The following NEURL1B variants were observed in gnomAD, a reference collection of about 807,000 sequenced individuals.
NEURL1B encodes the protein neuralized E3 ubiquitin protein ligase 1B, also known as E3 ubiquitin-protein ligase NEURL1B.
NEURL1B carries 13 observed loss-of-function variants against 37.4 expected under a neutral mutation model. The observed-to-expected ratio is 0.35, with a 90% CI of 0.23 to 0.55. The LOEUF (loss-of-function observed/expected upper bound fraction) is 0.55, where lower values mean the gene tolerates loss of function less well. Ranked by LOEUF, NEURL1B falls within the 20% of genes least tolerant of loss-of-function variation. NEURL1B has a pLI of 0.89. For synonymous variants in NEURL1B, 432 were observed against 426.6 expected (o/e 1.01, Z -0.16); for missense variants, 790 against 879.2 (o/e 0.90, Z 1.28).
chr5:172,683,504 G>C lies in NEURL1B; in HGVS notation c.663G>C (p.Ala221=). 1.3e-6 allele frequency: 2 copies of C among 1,503,190 alleles called. No homozygotes were observed. 93.1% of individuals were successfully genotyped at this position (1,503,190 alleles called of 1,614,324 possible). The change falls in exon 3 of 5, where the codon GCG becomes GCC. Residue 221 remains alanine (A), a synonymous_variant. Coordinates refer to ENST00000369800, the MANE Select transcript of NEURL1B (RefSeq NM_001142651.3). This position sits in a 1 kb window ranked among gnomAD's most constrained non-coding sequence, Gnocchi z 5.6. The stretch of plus-strand genomic sequence containing the variant: ...GCCTGCCGCCCAGCAGCCACGACGC[G>C]GCCAACTTCGACAACAACGAGCTCG... ...SACLPPSSHD[A]ANFDNNELEN...
At chr5:172,672,417 G>A (rs973877454) in intron 2 of NEURL1B, among the ~76,000 whole-genome samples, 1 of 152,062 alleles carries the variant, frequency 6.6e-6, no homozygotes, top group Non-Finnish European at 1.5e-5. Context: ...ATGTCTTTGA[G>A]TAACAGCCAA....
chr5:172,658,757 T>C (rs1031115542), intron 1 of NEURL1B, among the ~76,000 whole-genome samples: 5 of 152,002 alleles, frequency 3.3e-5, no homozygotes, highest in Non-Finnish European at 7.4e-5. Context: ...CTGGTAGCCA[T>C]CACCTCCTCC....
intron 1 of NEURL1B, among the ~76,000 whole-genome samples, chr5:172,649,392 T>G (rs143350518): frequency 0.015 from 2,004 of 131,202 alleles, 53 homozygotes; most frequent in African/African-American, 0.054. Context: ...GACAGAGTCT[T>G]GCTCTGTTGC....
chr5:172,686,251 A>G lies in NEURL1B; in HGVS notation c.1378A>G (p.Thr460Ala). 1 of 1,551,620 alleles carries G rather than the reference A, an allele frequency of 6.4e-7. No individual in the cohort carries two copies. The highest frequency in any genetic ancestry group is 8.7e-7 in the Non-Finnish European group (1 of 1,146,970). Residue 460 changes from threonine (T) to alanine (A), a missense_variant, in exon 4 of 5, where the codon ACC becomes GCC. By Grantham distance (58) the Thr-to-Ala change is moderately conservative. Around this residue, in one of 3 missense-constraint regions of NEURL1B, gnomAD observed 115 missense variants for 162.6 expected, o/e 0.71. Coordinates refer to ENST00000369800, the MANE Select transcript of NEURL1B (RefSeq NM_001142651.3). This position sits in a 1 kb window ranked among gnomAD's most constrained non-coding sequence, Gnocchi z 7.9. The part of the protein sequence containing the change: ...GSQDDSDSDM[T>A]FSVNQSSSAS... ...CCAGGACGATAGTGATTCAGATATGACCTTCAGTGTCAACCAGTCCTCCTC... is the reference window on the plus strand; with the variant it reads ...CCAGGACGATAGTGATTCAGATATGGCCTTCAGTGTCAACCAGTCCTCCTC...
chr5:172,679,920 CA>C (rs1043685002), intron 2 of NEURL1B, among the ~76,000 whole-genome samples: 2 of 152,160 alleles, frequency 1.3e-5, no homozygotes, highest in African/African-American at 4.8e-5. Flanking sequence ...CTTGGAGCCT[CA>C]GAGTTCCCCC....
At chr5:172,681,607 C>T (rs1382581687) in intron 2 of NEURL1B, among the ~76,000 whole-genome samples, 3 of 152,214 alleles carry the variant, frequency 2.0e-5, no homozygotes, top group Admixed American at 1.3e-4. Flanking sequence ...CAAGGGCAAG[C>T]TTCTTTAGCC....
Position 172,683,592 on chromosome 5 carries a change from C to G in NEURL1B, c.751C>G (p.Pro251Ala), listed in dbSNP as rs1417964947. The change falls in exon 3 of 5, where the codon CCA becomes GCA. Residue 251 changes from proline to alanine, a missense_variant. Physicochemically the swap from Pro to Ala is conservative, Grantham distance 27. Coordinates refer to ENST00000369800, the MANE Select transcript of NEURL1B (RefSeq NM_001142651.3). The surrounding 1 kb of genome is among the most constrained non-coding windows in gnomAD (Gnocchi z 5.6). ...GCTGGGCCGCGCCCCGGGCCCACCG[C>G]CAGCCGACGCCGCGGCCGCCGCCAT... ...LALGRAPGPP[P>A]ADAAAAAIPC... The G allele has an allele frequency of 1.6e-6, 2 of 1,289,468 alleles. No individual in the cohort carries two copies. The highest frequency in any genetic ancestry group is 9.8e-7 in the Non-Finnish European group (1 of 1,019,330). 79.9% of individuals were successfully genotyped at this position (1,289,468 alleles called of 1,614,324 possible). A position where few individuals can be genotyped will look rare whatever the true frequency, so the allele number is the denominator to read the frequency against.
intron 1 of NEURL1B, among the ~76,000 whole-genome samples, chr5:172,660,734 G>A (rs1195806934): frequency 1.3e-5 from 2 of 152,176 alleles, no homozygotes; most frequent in African/African-American, 4.8e-5. Context: ...TCCGCCTCCT[G>A]GGTTCAAGTG....
chr5:172,678,703 G>A (rs1477121322), intron 2 of NEURL1B, among the ~76,000 whole-genome samples: 2 of 152,196 alleles, frequency 1.3e-5, no homozygotes, highest in African/African-American at 2.4e-5. Context: ...TGTCATTCTC[G>A]ATTCCTCTTT....
chr5:172,677,612 T>C (rs1218649856), intron 2 of NEURL1B, among the ~76,000 whole-genome samples: 1 of 152,136 alleles, frequency 6.6e-6, no homozygotes, highest in Admixed American at 6.5e-5. Flanking sequence ...CCAAGGCCAG[T>C]GTTTGCCATC....
chr5:172,666,095 G>A (rs1039266873), intron 1 of NEURL1B, among the ~76,000 whole-genome samples: 6 of 152,126 alleles, frequency 3.9e-5, no homozygotes, highest in African/African-American at 1.4e-4. Context: ...CCTACCTTAG[G>A]GGTCTATGGC....
chr5:172,660,503 G>A (rs1279748989), intron 1 of NEURL1B, among the ~76,000 whole-genome samples: 1 of 152,222 alleles, frequency 6.6e-6, no homozygotes, highest in Non-Finnish European at 1.5e-5. Context: ...AGCGCGGGCT[G>A]GCCCTTTTCC....
At position 172,641,540 on chromosome 5, in the gene NEURL1B, C is replaced by CTGCGAGCCGAG; in HGVS notation, c.31+103_31+104insTGCGAGCCGAG. 5 of 1,016,402 alleles carry CTGCGAGCCGAG rather than the reference C, an allele frequency of 4.9e-6. No individual in the cohort carries two copies. The highest frequency in any genetic ancestry group is 6.3e-6 in the Non-Finnish European group (5 of 789,022). The allele number at this position is 1,016,402 out of a possible 1,614,324, so 63.0% of individuals were successfully genotyped here. A position where few individuals can be genotyped will look rare whatever the true frequency, so the allele number is the denominator to read the frequency against. ...GCTACCCCACGGCCCTTGGAGCCCT[C>CTGCGAGCCGAG]GGCTCGCAGCGGGCTGGAGTCTCCG... On this transcript the variant is annotated intron_variant, in intron 1 of 4. Coordinates refer to ENST00000369800, the MANE Select transcript of NEURL1B (RefSeq NM_001142651.3). This position sits in a 1 kb window ranked among gnomAD's most constrained non-coding sequence, Gnocchi z 6.4.
At chr5:172,659,081 G>A (rs1757848862) in intron 1 of NEURL1B, among the ~76,000 whole-genome samples, 1 of 129,180 alleles carries the variant, frequency 7.7e-6, no homozygotes. Context: ...CCAGGGTATT[G>A]CTCACCCTCT....
At chr5:172,649,176 A>T (rs1046895140) in intron 1 of NEURL1B, among the ~76,000 whole-genome samples, 3 of 152,104 alleles carry the variant, frequency 2.0e-5, no homozygotes, top group Non-Finnish European at 4.4e-5. Flanking sequence ...CTGTCACTGG[A>T]GTACACAGGT....
chr5:172,678,104 G>A (rs1274109373), intron 2 of NEURL1B, among the ~76,000 whole-genome samples: 4 of 151,906 alleles, frequency 2.6e-5, no homozygotes, highest in African/African-American at 9.7e-5. Flanking sequence ...AGCTCCCGCC[G>A]TTCCTCCTGC....
Position 172,683,459 on chromosome 5 carries a change from C to A in NEURL1B, c.618C>A (p.Ser206Arg). 2 of 1,471,396 alleles carry A rather than the reference C, an allele frequency of 1.4e-6. No homozygotes were observed. Among genetic ancestry groups the A allele is most frequent in the East Asian group, 2.7e-5 (1 of 36,438 alleles). The allele number at this position is 1,471,396 out of a possible 1,614,324, so 91.1% of individuals were successfully genotyped here. The change falls in exon 3 of 5, where the codon AGC becomes AGA. Residue 206 changes from serine to arginine, a missense_variant. Ser to Arg is a moderately radical substitution (Grantham distance 110). This residue lies in a region of NEURL1B where 460 missense variants were observed against 407.4 expected (regional missense o/e 1.13). Transcript: ENST00000369800. This position sits in a 1 kb window ranked among gnomAD's most constrained non-coding sequence, Gnocchi z 5.6. ...ACACGCTGACGCCCGCGCGCCTCAG[C>A]CAGGCCCGCTTCAGCGCCTGCCTGC... is the stretch of plus-strand genomic sequence containing the variant. ...FADTLTPARL[S>R]QARFSACLPP...
At position 172,643,691 on chromosome 5, in the gene NEURL1B, A is replaced by C. The variant is rs1243769828; in HGVS notation, c.31+2254A>C. 2.0e-5 allele frequency among the ~76,000 whole-genome samples: 3 copies of C among 152,114 alleles called. No individual in the cohort carries two copies. In the East Asian group the frequency reaches 5.8e-4, roughly 29 times the overall value. On this transcript the variant is annotated intron_variant, in intron 1 of 4. Coordinates refer to ENST00000369800, the MANE Select transcript of NEURL1B (RefSeq NM_001142651.3). Reference sequence around the variant, plus strand: ...GGTGGTGGAGCTCGAATGTTGCCTGAATCTTAGGCTGAAGGAACACTTGGC... The same window carrying C: ...GGTGGTGGAGCTCGAATGTTGCCTGCATCTTAGGCTGAAGGAACACTTGGC...
intron 1 of NEURL1B, among the ~76,000 whole-genome samples, chr5:172,643,027 T>C (rs1434520086): frequency 6.6e-6 from 1 of 152,242 alleles, no homozygotes; most frequent in Non-Finnish European, 1.5e-5. Context: ...CACCTGTGGG[T>C]CAGCCCTGGG....
Sources: gnomAD v4.1 joint callset for allele counts (sites outside exome capture counted in the v4.1 genomes callset) on GRCh38, gnomAD v4.1.1 for gene constraint, gnomAD v4.1.1 regional missense constraint, Gnocchi (gnomAD v3.1) non-coding constraint, MANE v1.5 for transcripts, NCBI Gene and HGNC (gene_info 2026-07-23, HGNC 2026-07-21) for gene names.